Variants in POLR1A observed in about 807,000 individuals in gnomAD.
POLR1A encodes the protein DNA-directed RNA polymerase I subunit RPA1.
In POLR1A, 84 loss-of-function variants were observed where a neutral mutation model predicts 205.3. The ratio of observed to expected loss-of-function variants is 0.41; its 90% CI spans 0.34 to 0.49. The LOEUF (loss-of-function observed/expected upper bound fraction) is 0.49. Ranked by LOEUF, POLR1A falls within the 20% of genes least tolerant of loss-of-function variation. The pLI, the probability that POLR1A is intolerant of heterozygous loss-of-function variation, is 0.22. For synonymous variants in POLR1A, 799 were observed against 863.7 expected (o/e 0.93, Z 1.31); for missense variants, 1,645 against 2,204.5 (o/e 0.75, Z 5.08).
Position 86,070,252 on chromosome 2 carries a change from A to G in POLR1A, c.1632T>C (p.Asn544=), listed in dbSNP as rs1558776545. 1.2e-6 allele frequency: 2 copies of G among 1,611,318 alleles called. No homozygotes were observed. The highest frequency in any genetic ancestry group is 1.7e-6 in the Non-Finnish European group (2 of 1,177,796). ...GTCGGTTCAGTAGCAGAATGTCCCC[A>G]TTCTTCACATGCCGGCACACCTGGG... ...GTKIVCRHVK[N]GDILLLNRQP... is the part of the protein sequence containing the mutation. The change falls in exon 13 of 34, where the codon AAT becomes AAC. Residue 544 remains asparagine (N), a synonymous_variant. Transcript: ENST00000263857. This position sits in a 1 kb window ranked among gnomAD's most constrained non-coding sequence, Gnocchi z 4.4.
At chr2:86,094,563 G>T (rs114514219) in intron 3 of POLR1A, among the ~76,000 whole-genome samples, 3,328 of 152,274 alleles carry the variant, frequency 0.022, 66 homozygotes, top group Non-Finnish European at 0.034. Context: ...AAACAAGAAG[G>T]GGGTGCTAGG....
At chr2:86,051,574 C>T (rs772688537) in intron 16 of POLR1A, among the ~76,000 whole-genome samples, 25 of 152,226 alleles carry the variant, frequency 1.6e-4, no homozygotes, top group African/African-American at 1.7e-4. Flanking sequence ...AACCAGACAA[C>T]GCCTATGCAC....
chr2:86,040,371 G>A lies in POLR1A; in HGVS notation c.3740+21C>T, dbSNP rs1278652006. ...GAGAGGCTAGGACAGACCCCACCCT[G>A]TGCTCCCTTGTGCCCCACACCTTGG... On this transcript the variant is annotated intron_variant, in intron 25 of 33. Transcript: ENST00000263857. 8 of 1,571,236 alleles carry A rather than the reference G, an allele frequency of 5.1e-6. No individual in the cohort carries two copies. In the Admixed American group the frequency reaches 1.1e-4, roughly 21 times the overall value.
rs1673257008 is a variant in POLR1A, at chr2:86,075,098, G to A, written c.1543C>T (p.Arg515Ter). The A allele has an allele frequency of 2.5e-6, 4 of 1,612,738 alleles. No homozygotes were observed. Among genetic ancestry groups the A allele is most frequent in the Non-Finnish European group, 1.7e-6 (2 of 1,179,914 alleles). The stretch of plus-strand genomic sequence containing the variant: ...AGAAGCTGCTTGGCCACGGCCTCTC[G>A]CTGGGTCATGTCCACAGCGCTCAGG... ...TALSAVDMTQ[R>*]EAVAKQLLTP... is the part of the protein sequence containing the mutation. Residue 515 changes from arginine to a stop codon, truncating the protein, a stop_gained, in exon 12 of 34, where the codon CGA becomes TGA. Transcript: ENST00000263857. LOFTEE classifies it high-confidence loss of function.
At chr2:86,040,253 C>CT in intron 25 of POLR1A, 139 bp downstream of exon 25, 1 of 690,026 alleles carries the variant, frequency 1.4e-6, no homozygotes, top group South Asian at 3.7e-5. Flanking sequence ...CTGATCCCCA[C>CT]TTTAATGAGA....
chr2:86,035,737 T>G (rs1672483006), intron 27 of POLR1A, among the ~76,000 whole-genome samples: 1 of 152,208 alleles, frequency 6.6e-6, no homozygotes, highest in Non-Finnish European at 1.5e-5. Context: ...AATATCTACC[T>G]ACTGAAGCTG....
Position 86,038,857 on chromosome 2 carries a change from C to T in POLR1A, c.3877G>A (p.Val1293Met), listed in dbSNP as rs1371402581. 6.2e-7 allele frequency: 1 copy of T among 1,614,048 alleles called. No individual in the cohort carries two copies. Among genetic ancestry groups the T allele is most frequent in the South Asian group, 1.1e-5 (1 of 91,052 alleles). ...TCCTGGACGTCAATTTTCTGCAACACCTGGAACCAGACGGACAGAGAGAAC... is the reference window on the plus strand; with the variant it reads ...TCCTGGACGTCAATTTTCTGCAACATCTGGAACCAGACGGACAGAGAGAAC... ...KQLTRVCLGE[V>M]LQKIDVQESF... Residue 1293 changes from valine (V) to methionine (M), a missense_variant and splice_region_variant, in exon 27 of 34, where the codon GTG becomes ATG. Physicochemically the swap from Val to Met is conservative, Grantham distance 21 (BLOSUM62 1). Around this residue, in one of 16 missense-constraint regions of POLR1A, gnomAD observed 394 missense variants for 468.5 expected, o/e 0.84. Coordinates refer to ENST00000263857, the MANE Select transcript of POLR1A (RefSeq NM_015425.6).
intron 27 of POLR1A, among the ~76,000 whole-genome samples, chr2:86,037,307 G>T (rs1672517929): frequency 6.6e-6 from 1 of 152,222 alleles, no homozygotes; most frequent in South Asian, 2.1e-4. Context: ...CTTCACCCAG[G>T]GCTCGTGAAC....
At chr2:86,105,525 C>A (rs762548694) in intron 1 of POLR1A, among the ~76,000 whole-genome samples, 175 bp downstream of exon 1, 6 of 152,182 alleles carry the variant, frequency 3.9e-5, no homozygotes, top group Non-Finnish European at 8.8e-5. Flanking sequence ...GGCCTCTTAT[C>A]CAGGCAGTCC....
intron 6 of POLR1A, among the ~76,000 whole-genome samples, chr2:86,088,221 T>C (rs1302170032): frequency 2.0e-5 from 3 of 151,214 alleles, no homozygotes; most frequent in Non-Finnish European, 3.0e-5. Context: ...TATTCCAAAA[T>C]AGATCCACAC....
chr2:86,048,961 T>C lies in POLR1A; in HGVS notation c.2557A>G (p.Lys853Glu), dbSNP rs1463878084. The C allele has an allele frequency of 1.4e-5, 22 of 1,613,650 alleles. No homozygotes were observed. Among genetic ancestry groups the C allele is most frequent in the Non-Finnish European group, 1.9e-5 (22 of 1,179,494 alleles). The change falls in exon 18 of 34, where the codon AAG becomes GAG. Residue 853 changes from lysine to glutamate, a missense_variant. By Grantham distance (56) the Lys-to-Glu change is moderately conservative (BLOSUM62 1). Around this residue, in one of 16 missense-constraint regions of POLR1A, gnomAD observed 339 missense variants for 415.1 expected, o/e 0.82. Transcript: ENST00000263857. ...ATCATGTTAAAATCCCTCTGGTCCTTGCCCAGATGGGCATCCTGCCATTTT... is the reference window on the plus strand; with the variant it reads ...ATCATGTTAAAATCCCTCTGGTCCTCGCCCAGATGGGCATCCTGCCATTTT... ...RGKWQDAHLG[K>E]DQRDFNMIDL...
intron 24 of POLR1A, among the ~76,000 whole-genome samples, chr2:86,040,799 ACTC>A (rs1287215085): frequency 6.6e-6 from 1 of 151,374 alleles, no homozygotes; most frequent in Non-Finnish European, 1.5e-5. Context: ...TCATGCTTGG[ACTC>A]CTCATGTTTG....
intron 27 of POLR1A, among the ~76,000 whole-genome samples, chr2:86,038,384 C>T (rs2104386371): frequency 6.6e-6 from 1 of 152,338 alleles, no homozygotes; most frequent in East Asian, 1.9e-4. Context: ...ATGGTGCTCC[C>T]TTCTCTTTAC....
At chr2:86,077,713 C>T in intron 11 of POLR1A, 146 bp downstream of exon 11, 1 of 990,800 alleles carries the variant, frequency 1.0e-6, no homozygotes, top group Non-Finnish European at 1.5e-6. Flanking sequence ...GCTAGTTCCG[C>T]CCAAGCCAGA....
At position 86,025,222 on chromosome 2, in the gene POLR1A, A is replaced by T. The variant is rs1396558158; in HGVS notation, c.*2201T>A. Reference sequence around the variant, plus strand: ...CATTACATTTTGATTAAAAATGACAACGCAGATTAGTCCATGTTCTTGAAT... The same window carrying T: ...CATTACATTTTGATTAAAAATGACATCGCAGATTAGTCCATGTTCTTGAAT... On this transcript the variant is annotated 3_prime_UTR_variant, in exon 34 of 34. Coordinates refer to ENST00000263857, the MANE Select transcript of POLR1A (RefSeq NM_015425.6). 1 of 152,224 alleles carries T rather than the reference A, an allele frequency of 6.6e-6. No individual in the cohort carries two copies. Among genetic ancestry groups the T allele is most frequent in the Non-Finnish European group, 1.5e-5 (1 of 68,044 alleles). The allele number at this position is 152,224 out of a possible 1,614,324, so 9.4% of individuals were successfully genotyped here. A position where few individuals can be genotyped will look rare whatever the true frequency, so the allele number is the denominator to read the frequency against.
intron 6 of POLR1A, among the ~76,000 whole-genome samples, chr2:86,085,529 G>A (rs1042027849): frequency 5.3e-5 from 8 of 152,168 alleles, no homozygotes; most frequent in African/African-American, 1.9e-4. Flanking sequence ...CATTTTGTGG[G>A]CATTTCTGAA....
At chr2:86,077,195 C>T (rs1453304647) in intron 11 of POLR1A, among the ~76,000 whole-genome samples, 3 of 152,176 alleles carry the variant, frequency 2.0e-5, no homozygotes, top group Non-Finnish European at 2.9e-5. Flanking sequence ...ACATAGAGGC[C>T]GGCCCATTAA....
intron 26 of POLR1A, 82 bp downstream of exon 26, chr2:86,039,245 A>C: frequency 1.4e-6 from 2 of 1,475,838 alleles, no homozygotes; most frequent in South Asian, 2.4e-5. Flanking sequence ...CAGAGCAGTA[A>C]GCAAAGCCTG....
At chr2:86,056,244 G>A in intron 14 of POLR1A, among the ~76,000 whole-genome samples, 1 of 151,934 alleles carries the variant, frequency 6.6e-6, no homozygotes, top group Non-Finnish European at 1.5e-5. Context: ...TTAAGGTCGG[G>A]AGTTTGAGAC....
Sources: allele counts gnomAD v4.1 joint callset (sites outside exome capture counted in the v4.1 genomes callset), GRCh38; gene constraint gnomAD v4.1.1; regional missense constraint gnomAD v4.1.1; non-coding constraint Gnocchi (gnomAD v3.1); transcripts MANE v1.5; gene names NCBI Gene and HGNC (gene_info 2026-07-23, HGNC 2026-07-21).